The following TMEM65 variants were observed in gnomAD, a reference collection of about 807,000 sequenced individuals.
TMEM65 encodes the protein transmembrane protein 65.
Under a neutral mutation model 25.4 loss-of-function variants are expected in TMEM65, and 22 were observed. The ratio of observed to expected loss-of-function variants is 0.86; its 90% CI spans 0.62 to 1.23. The LOEUF is 1.23. Ranked by LOEUF, TMEM65 falls within the 50% of genes most tolerant of loss-of-function variation. The pLI, the probability that TMEM65 is intolerant of heterozygous loss-of-function variation, is 0.00. For synonymous variants in TMEM65, 132 were observed against 126.2 expected (o/e 1.05, Z -0.31); for missense variants, 262 against 308.2 (o/e 0.85, Z 1.12).
intron 1 of TMEM65, among the ~76,000 whole-genome samples, chr8:124,332,151 T>G (rs1231514292): frequency 1.1e-4 from 17 of 152,144 alleles, no homozygotes; most frequent in African/African-American, 3.9e-4. Context: ...TAACTCAAAA[T>G]CTCCTTTGAA....
chr8:124,356,871 C>A (rs1814789035), intron 1 of TMEM65, among the ~76,000 whole-genome samples: 1 of 151,972 alleles, frequency 6.6e-6, no homozygotes, highest in South Asian at 2.1e-4. Context: ...TCACACCCAG[C>A]TAATTTTTGT....
intron 2 of TMEM65, among the ~76,000 whole-genome samples, chr8:124,327,717 T>A (rs1463645639): frequency 6.6e-6 from 1 of 151,098 alleles, no homozygotes; most frequent in Non-Finnish European, 1.5e-5. Context: ...AATATATACA[T>A]ACAATTAACA....
At chr8:124,357,094 C>CCT (rs925374602) in intron 1 of TMEM65, among the ~76,000 whole-genome samples, 11 of 149,752 alleles carry the variant, frequency 7.3e-5, no homozygotes, top group Admixed American at 7.3e-4. Flanking sequence ...GGACATTACT[C>CCT]CTCTCTCTCT....
intron 1 of TMEM65, among the ~76,000 whole-genome samples, chr8:124,333,898 TA>T (rs1190427771): frequency 6.6e-6 from 1 of 152,102 alleles, no homozygotes; most frequent in Non-Finnish European, 1.5e-5. Flanking sequence ...AGGTGCCAGG[TA>T]ACCAAACAAC....
In TMEM65 at chr8:124,321,184, T is replaced by G. The variant is rs140864669; in HGVS notation, c.515+921A>C. 8.8e-3 allele frequency among the ~76,000 whole-genome samples: 1,338 copies of G among 152,304 alleles called. 18 individuals carry two copies. Among genetic ancestry groups the G allele is most frequent in the African/African-American group, 0.029 (1,209 of 41,574 alleles). On this transcript the variant is annotated intron_variant, in intron 5 of 6. Coordinates refer to ENST00000297632, the MANE Select transcript of TMEM65 (RefSeq NM_194291.3). ...AAAACAAAGAAACTTTGTTTTTAAC[T>G]GTGGCTTTGGCCCCAAACTCCAGTG... is the stretch of plus-strand genomic sequence containing the variant.
intron 1 of TMEM65, among the ~76,000 whole-genome samples, chr8:124,341,439 G>A (rs1814582506): frequency 6.6e-6 from 1 of 151,904 alleles, no homozygotes; most frequent in Non-Finnish European, 1.5e-5. Context: ...ATTAGAATTT[G>A]GTTCCCTGTG....
In TMEM65 at chr8:124,325,018, A is replaced by T. The variant is rs372813286; in HGVS notation, c.418-1643T>A. Among the ~76,000 whole-genome samples the T allele has an allele frequency of 4.6e-5, 7 of 152,136 alleles. No individual in the cohort carries two copies. In the East Asian group the frequency reaches 9.6e-4, roughly 21 times the overall value. Reference sequence around the variant, plus strand: ...GTTATAAAAAGCAATCCAATAATATAAAAATATTTTTTAAACTATGAAACA... The same window carrying T: ...GTTATAAAAAGCAATCCAATAATATTAAAATATTTTTTAAACTATGAAACA... On this transcript the variant is annotated intron_variant, in intron 3 of 6. Coordinates refer to ENST00000297632, the MANE Select transcript of TMEM65 (RefSeq NM_194291.3).
At position 124,372,122 on chromosome 8, in the gene TMEM65, G is replaced by T; in HGVS notation, c.36C>A (p.Thr12=). ...CCGGGCCCGGCCTCAGGCTGCGCGC[G>T]GTCCGGCTCCTCAGCAGCGGCAGCA... ...SRLLPLLRSR[T]ARSLRPGPAA... The change falls in exon 1 of 7, where the codon ACC becomes ACA. Residue 12 remains threonine (T), a synonymous_variant. Coordinates refer to ENST00000297632, the MANE Select transcript of TMEM65 (RefSeq NM_194291.3). 2 of 1,150,500 alleles carry T rather than the reference G, an allele frequency of 1.7e-6. No individual in the cohort carries two copies. Among genetic ancestry groups the T allele is most frequent in the Non-Finnish European group, 2.1e-6 (2 of 931,576 alleles). The allele number at this position is 1,150,500 out of a possible 1,614,324, so 71.3% of individuals were successfully genotyped here.
chr8:124,331,104 T>C (rs1180654901), intron 1 of TMEM65, among the ~76,000 whole-genome samples: 1 of 151,858 alleles, frequency 6.6e-6, no homozygotes, highest in African/African-American at 2.4e-5. Flanking sequence ...TGAGTCTGTT[T>C]GCATTAATTA....
chr8:124,338,781 T>C (rs1303207891), intron 1 of TMEM65, among the ~76,000 whole-genome samples: 1 of 152,168 alleles, frequency 6.6e-6, no homozygotes, highest in Non-Finnish European at 1.5e-5. Context: ...ATGCCTGATA[T>C]ATTTCTTTTT....
intron 1 of TMEM65, among the ~76,000 whole-genome samples, chr8:124,350,189 A>G (rs1226780089): frequency 6.6e-6 from 1 of 151,390 alleles, no homozygotes; most frequent in Admixed American, 6.6e-5. Flanking sequence ...ATATTTCTCT[A>G]AAGTTCTTAC....
At chr8:124,335,188 A>G (rs1814490248) in intron 1 of TMEM65, among the ~76,000 whole-genome samples, 1 of 152,208 alleles carries the variant, frequency 6.6e-6, no homozygotes, top group African/African-American at 2.4e-5. Context: ...CTAAATACAT[A>G]TTAAACACAC....
At chr8:124,367,615 T>G (rs1814955407) in intron 1 of TMEM65, among the ~76,000 whole-genome samples, 1 of 152,246 alleles carries the variant, frequency 6.6e-6, no homozygotes, top group Admixed American at 6.5e-5. Flanking sequence ...TAATTTATTT[T>G]TAAGTGTTTT....
chr8:124,369,884 G>A (rs1814989749), intron 1 of TMEM65, among the ~76,000 whole-genome samples: 1 of 152,144 alleles, frequency 6.6e-6, no homozygotes, highest in Non-Finnish European at 1.5e-5. Flanking sequence ...TTTTGTCATC[G>A]ACATCAGCAA....
At chr8:124,330,242 A>G (rs1434890675) in intron 2 of TMEM65, among the ~76,000 whole-genome samples, 3 of 151,934 alleles carry the variant, frequency 2.0e-5, no homozygotes, top group Non-Finnish European at 4.4e-5. Flanking sequence ...ATATTCTTGA[A>G]TATTTATTCC....
At position 124,330,599 on chromosome 8, in the gene TMEM65, A is replaced by C. The variant is rs1227337666; in HGVS notation, c.349+149T>G. On this transcript the variant is annotated intron_variant, in intron 2 of 6. Transcript: ENST00000297632. The stretch of plus-strand genomic sequence containing the variant: ...GTGTTACATCCTTAGCCAAGTTTAT[A>C]AACTTTGTGCTTCATATAATGAACA... 11 of 605,746 alleles carry C rather than the reference A, an allele frequency of 1.8e-5. No individual in the cohort carries two copies. In the East Asian group the frequency reaches 3.4e-4, roughly 19 times the overall value. 37.5% of individuals were successfully genotyped at this position (605,746 alleles called of 1,614,324 possible).
chr8:124,310,766 C>T lies in TMEM65; in HGVS notation c.*3194G>A, dbSNP rs1029587718. 4.0e-5 allele frequency: 6 copies of T among 151,860 alleles called. No homozygotes were observed. The South Asian group carries it at 1.0e-3, about 26-fold the overall frequency. 9.4% of individuals were successfully genotyped at this position (151,860 alleles called of 1,614,324 possible). A position where few individuals can be genotyped will look rare whatever the true frequency, so the allele number is the denominator to read the frequency against. On this transcript the variant is annotated 3_prime_UTR_variant, in exon 7 of 7. Coordinates refer to ENST00000297632, the MANE Select transcript of TMEM65 (RefSeq NM_194291.3). ...AATAATTTATGGTAAGATAGGCTAACCAGTTTCTAAGTCCAGACAACTGAG... is the reference window on the plus strand; with the variant it reads ...AATAATTTATGGTAAGATAGGCTAATCAGTTTCTAAGTCCAGACAACTGAG...
At chr8:124,332,704 C>T (rs1161845324) in intron 1 of TMEM65, among the ~76,000 whole-genome samples, 1 of 152,016 alleles carries the variant, frequency 6.6e-6, no homozygotes, top group Non-Finnish European at 1.5e-5. Flanking sequence ...GATTCTGCCT[C>T]CTGCTTCACA....
chr8:124,358,442 C>T (rs1414699407), intron 1 of TMEM65, among the ~76,000 whole-genome samples: 1 of 152,160 alleles, frequency 6.6e-6, no homozygotes, highest in African/African-American at 2.4e-5. Context: ...GTAAACAGGT[C>T]ATAATCTACT....
Sources: allele counts gnomAD v4.1 joint callset (sites outside exome capture counted in the v4.1 genomes callset), GRCh38; gene constraint gnomAD v4.1.1; transcripts MANE v1.5; gene names NCBI Gene and HGNC (gene_info 2026-07-23, HGNC 2026-07-21).